HIVEP1: variants seen among roughly 807,000 people sequenced by gnomAD.
HIVEP1 encodes the protein zinc finger protein 40.
A neutral mutation model predicts 180.0 loss-of-function variants in HIVEP1; 36 were observed. That is an observed-to-expected ratio of 0.20 (90% CI 0.15 to 0.26). The LOEUF is 0.26. HIVEP1 is among the 10% of genes least tolerant of loss of function. The probability of loss-of-function intolerance (pLI) is 1.00; values close to 1 mark genes in which losing one functional copy is unlikely to be tolerated. For synonymous variants in HIVEP1, 1,239 were observed against 1,239.0 expected (o/e 1.00, Z 0.00); for missense variants, 3,143 against 3,268.7 (o/e 0.96, Z 0.94).
At chr6:12,012,153 C>T (rs1397785818), upstream of HIVEP1, 1 of 144,416 alleles carries the variant, frequency 6.9e-6, no homozygotes, top group African/African-American at 2.5e-5. Flanking sequence ...GGCTGCCCGG[C>T]TCCCTGGCGG....
chr6:12,017,366 T>TAA (rs1767861794), intron 2 of HIVEP1, among the ~76,000 whole-genome samples: 1 of 152,210 alleles, frequency 6.6e-6, no homozygotes, highest in Admixed American at 6.5e-5. Context: ...AGTTTCTTTC[T>TAA]TCTGGTAGGT....
intron 3 of HIVEP1, among the ~76,000 whole-genome samples, chr6:12,096,208 ATAAGAG>A (rs1047609243): frequency 2.6e-5 from 4 of 152,028 alleles, no homozygotes; most frequent in African/African-American, 9.7e-5. Flanking sequence ...CACCATCTAT[ATAAGAG>A]TAAGAGGGCC....
chr6:12,032,489 TG>T (rs747732718), intron 2 of HIVEP1, among the ~76,000 whole-genome samples: 1 of 152,006 alleles, frequency 6.6e-6, no homozygotes, highest in Non-Finnish European at 1.5e-5. Context: ...TGTGGTTTAG[TG>T]GGGGAAAAAA....
downstream of HIVEP1, among the ~76,000 whole-genome samples, chr6:12,165,382 C>T (rs989216803): frequency 6.6e-6 from 1 of 152,138 alleles, no homozygotes. Context: ...AACCTCATTT[C>T]CAGGCTCCAA....
intron 2 of HIVEP1, among the ~76,000 whole-genome samples, chr6:12,070,379 A>G (rs187019461): frequency 2.0e-5 from 3 of 152,286 alleles, no homozygotes; most frequent in South Asian, 2.1e-4. Flanking sequence ...AGAAAGCCCA[A>G]ATATCACTAG....
chr6:12,023,970 A>G (rs1561863099), intron 2 of HIVEP1, among the ~76,000 whole-genome samples: 1 of 152,334 alleles, frequency 6.6e-6, no homozygotes, highest in Middle Eastern at 3.4e-3. Flanking sequence ...TGATTCTTGT[A>G]TTATGCAGAA....
chr6:12,145,185 C>G (rs1759294831), intron 7 of HIVEP1, among the ~76,000 whole-genome samples: 1 of 152,164 alleles, frequency 6.6e-6, no homozygotes, highest in Non-Finnish European at 1.5e-5. Flanking sequence ...GAATACTCTG[C>G]AGCCATAAAA....
chr6:12,100,865 G>T (rs773059500), intron 3 of HIVEP1, among the ~76,000 whole-genome samples: 1 of 152,072 alleles, frequency 6.6e-6, no homozygotes, highest in Non-Finnish European at 1.5e-5. Flanking sequence ...TTTCAGAATA[G>T]GGATGCTCAG....
chr6:12,210,442 T>C, the HIVEP1 span, among the ~76,000 whole-genome samples: 3 of 151,748 alleles, frequency 2.0e-5, no homozygotes, highest in Non-Finnish European at 2.9e-5. Flanking sequence ...TCCTTATTGA[T>C]TACCTATTTC....
intron 2 of HIVEP1, among the ~76,000 whole-genome samples, chr6:12,044,628 C>T (rs537396990): frequency 4.7e-5 from 7 of 150,416 alleles, no homozygotes; most frequent in Non-Finnish European, 8.9e-5. Flanking sequence ...TCAAAGCCAG[C>T]GCACCTGTTT....
rs947609247 is a variant in HIVEP1, at chr6:12,036,375, A to G, written c.40+20707A>G. Among the ~76,000 whole-genome samples the G allele has an allele frequency of 3.9e-5, 6 of 152,242 alleles. No individual in the cohort carries two copies. The East Asian group carries it at 1.2e-3, about 29-fold the overall frequency. The stretch of plus-strand genomic sequence containing the variant: ...GTTCATTATATGTAAAAATCCACGT[A>G]TGTATAGGATATACAATTGTATGGT... On this transcript the variant is annotated intron_variant, in intron 2 of 8. Coordinates refer to ENST00000379388, the MANE Select transcript of HIVEP1 (RefSeq NM_002114.4).
At chr6:12,140,105 T>G (rs899280736) in intron 7 of HIVEP1, among the ~76,000 whole-genome samples, 2 of 152,168 alleles carry the variant, frequency 1.3e-5, no homozygotes, top group Admixed American at 6.5e-5. Flanking sequence ...TGACACCTCA[T>G]ACAGGCGGGT....
chr6:12,147,809 A>G (rs1360661109), intron 7 of HIVEP1, among the ~76,000 whole-genome samples: 1 of 152,176 alleles, frequency 6.6e-6, no homozygotes, highest in Non-Finnish European at 1.5e-5. Context: ...ATGTCTATGT[A>G]TAAATGTATA....
At chr6:12,206,686 G>A in the HIVEP1 span, among the ~76,000 whole-genome samples, 2 of 152,236 alleles carry the variant, frequency 1.3e-5, no homozygotes, top group Middle Eastern at 3.4e-3. Context: ...ACCAGTCTGT[G>A]GTGCTTTGTT....
intron 7 of HIVEP1, among the ~76,000 whole-genome samples, chr6:12,140,913 G>A (rs762134639): frequency 6.6e-6 from 1 of 152,166 alleles, no homozygotes; most frequent in Non-Finnish European, 1.5e-5. Context: ...TGAAAGTGAC[G>A]GGGAGAATGG....
At chr6:12,066,724 CG>C (rs1442695996) in intron 2 of HIVEP1, among the ~76,000 whole-genome samples, 1 of 152,032 alleles carries the variant, frequency 6.6e-6, no homozygotes, top group Non-Finnish European at 1.5e-5. Flanking sequence ...AATATTTGTT[CG>C]GAACCACTTT....
intron 3 of HIVEP1, among the ~76,000 whole-genome samples, chr6:12,093,493 A>G (rs934165609): frequency 1.3e-5 from 2 of 151,354 alleles, no homozygotes; most frequent in African/African-American, 4.8e-5. Flanking sequence ...ATTTTCTTCT[A>G]AAAGACTTTC....
chr6:12,145,532 AAG>A lies in HIVEP1; in HGVS notation c.6487+9642_6487+9643del, dbSNP rs1450594715. ...TTAAAGTATAAAAAAAAAAAAAAAA[AAG>A]AACGCCCTCTACCAGATACTGTGAG... On this transcript the variant is annotated intron_variant, in intron 7 of 8. Coordinates refer to ENST00000379388, the MANE Select transcript of HIVEP1 (RefSeq NM_002114.4). Among the ~76,000 whole-genome samples, 6 of 151,632 alleles carry A rather than the reference AAG, an allele frequency of 4.0e-5. No individual in the cohort carries two copies. In the East Asian group the frequency reaches 5.8e-4, roughly 15 times the overall value.
intron 2 of HIVEP1, among the ~76,000 whole-genome samples, chr6:12,081,527 C>G (rs1175380909): frequency 3.9e-5 from 6 of 152,054 alleles, no homozygotes; most frequent in Non-Finnish European, 8.8e-5. Context: ...TTTTCCTTCC[C>G]TCTGGCCTCA....
Sources: allele counts gnomAD v4.1 joint callset (sites outside exome capture counted in the v4.1 genomes callset), GRCh38; gene constraint gnomAD v4.1.1; transcripts MANE v1.5; gene names NCBI Gene and HGNC (gene_info 2026-07-23, HGNC 2026-07-21).